The following CHEK1 variants were observed in gnomAD, a reference collection of about 807,000 sequenced individuals.
CHEK1 encodes the protein serine/threonine-protein kinase Chk1.
Under a neutral mutation model 60.2 loss-of-function variants are expected in CHEK1, and 32 were observed. That is an observed-to-expected ratio of 0.53 (90% CI 0.40 to 0.71). The LOEUF is 0.71. Ranked by LOEUF, CHEK1 falls within the 30% of genes least tolerant of loss-of-function variation. The pLI, the probability that CHEK1 is intolerant of heterozygous loss-of-function variation, is 0.00. For missense variants in CHEK1, 399 were observed against 564.6 expected (o/e 0.71, Z 2.97); for synonymous variants, 179 against 187.2 (o/e 0.96, Z 0.36).
chr11:125,660,301 A>G (rs1941988376), downstream of CHEK1, among the ~76,000 whole-genome samples: 1 of 152,196 alleles, frequency 6.6e-6, no homozygotes, highest in African/African-American at 2.4e-5. Context: ...TTCAGATCTT[A>G]CATATCTTTA....
rs1168008001 is a variant in CHEK1 at position 125,633,814 on chromosome 11, CAT to C, written c.613+465_613+466del. ...TTTGGTAACTGCTGTAACAAAGTAT[CAT>C]AGACTGCATAGCTTATAAACAGCAA... On this transcript the variant is annotated intron_variant, in intron 6 of 12. Transcript: ENST00000438015. Among the ~76,000 whole-genome samples the C allele has an allele frequency of 1.3e-5, 2 of 152,208 alleles. 1 individual carries two copies. Among genetic ancestry groups the C allele is most frequent in the Admixed American group, 1.3e-4 (2 of 15,292 alleles).
chr11:125,657,404 A>ATGTCC, downstream of CHEK1, among the ~76,000 whole-genome samples: 1 of 152,174 alleles, frequency 6.6e-6, no homozygotes, highest in Non-Finnish European at 1.5e-5. Context: ...TCAATTGTAG[A>ATGTCC]AAGATCATTT....
At chr11:125,639,943 A>G (rs537046) in intron 8 of CHEK1, among the ~76,000 whole-genome samples, 19,188 of 151,954 alleles carry the variant, frequency 0.13, 1,333 homozygotes, top group East Asian at 0.2. Context: ...TTCCTTCTCT[A>G]CCGGATCTTT....
intron 1 of CHEK1, 86 bp from the exon 2 acceptor site, chr11:125,626,663 T>A: frequency 8.5e-7 from 1 of 1,175,990 alleles, no homozygotes; most frequent in Non-Finnish European, 1.3e-6. Context: ...TTAATTTTCG[T>A]GGGCAATCCT....
intron 13 of CHEK1, among the ~76,000 whole-genome samples, chr11:125,670,221 TTGTC>T (rs1292332795): frequency 6.6e-6 from 1 of 152,230 alleles, no homozygotes; most frequent in Non-Finnish European, 1.5e-5. Context: ...GTAAGATTCA[TTGTC>T]TGTTTATTCG....
downstream of CHEK1, among the ~76,000 whole-genome samples, chr11:125,659,937 A>G (rs1232655241): frequency 6.6e-6 from 1 of 152,206 alleles, no homozygotes; most frequent in East Asian, 1.9e-4. Context: ...CTTATTCCAG[A>G]CATTTCATAT....
intron 11 of CHEK1, chr11:125,649,731 CAA>C (rs35885200): frequency 7.3e-4 from 94 of 129,394 alleles, no homozygotes; most frequent in Middle Eastern, 3.8e-3. Flanking sequence ...AAGACTGTCT[CAA>C]AAAAAAAAAA....
intron 5 of CHEK1, 43 bp downstream of exon 5, chr11:125,629,503 A>C (rs1268117492): frequency 1.5e-6 from 2 of 1,345,532 alleles, no homozygotes; most frequent in Admixed American, 3.9e-5. Context: ...AAATAAAATA[A>C]TTACCTAAAT....
At chr11:125,640,259 T>C (rs940350224) in intron 8 of CHEK1, among the ~76,000 whole-genome samples, 2 of 152,196 alleles carry the variant, frequency 1.3e-5, no homozygotes, top group Non-Finnish European at 2.9e-5. Flanking sequence ...TCATGGGTTT[T>C]GGCCGGGCGC....
In CHEK1 at chr11:125,629,255, C is replaced by G; in HGVS notation, c.313C>G (p.Pro105Ala). The G allele has an allele frequency of 8.1e-6, 13 of 1,614,126 alleles. No homozygotes were observed. Among genetic ancestry groups the G allele is most frequent in the Non-Finnish European group, 1.1e-5 (13 of 1,180,018 alleles). The stretch of plus-strand genomic sequence containing the variant: ...AGAGCCAGACATAGGCATGCCTGAA[C>G]CAGATGCTCAGAGATTCTTCCATCA... ...RIEPDIGMPE[P>A]DAQRFFHQLM... is the part of the protein sequence containing the mutation. Residue 105 changes from proline to alanine, a missense_variant, in exon 4 of 13, where the codon CCA becomes GCA. Transcript: ENST00000438015.
At chr11:125,658,169 A>G (rs1280298024), downstream of CHEK1, among the ~76,000 whole-genome samples, 1 of 152,144 alleles carries the variant, frequency 6.6e-6, no homozygotes, top group Non-Finnish European at 1.5e-5. Flanking sequence ...TGCAGGCTCA[A>G]GCAATCCTCC....
chr11:125,677,595 GC>G (rs1404320990), downstream of CHEK1, among the ~76,000 whole-genome samples: 1 of 152,072 alleles, frequency 6.6e-6, no homozygotes, highest in Admixed American at 6.6e-5. Context: ...CTTATAGAGG[GC>G]CCTCCATATT....
At chr11:125,634,570 C>A (rs1940991393) in intron 6 of CHEK1, among the ~76,000 whole-genome samples, 1 of 152,092 alleles carries the variant, frequency 6.6e-6, no homozygotes, top group South Asian at 2.1e-4. Context: ...AGTAATCTGC[C>A]TACCTAAGCC....
At chr11:125,658,619 C>G (rs189927956), downstream of CHEK1, among the ~76,000 whole-genome samples, 1 of 148,140 alleles carries the variant, frequency 6.8e-6, no homozygotes, top group East Asian at 2.0e-4. Context: ...TCATTCATTA[C>G]TCCAAGATCA....
At chr11:125,654,052 C>T (rs1348661662) in intron 12 of CHEK1, among the ~76,000 whole-genome samples, 1 of 151,958 alleles carries the variant, frequency 6.6e-6, no homozygotes, top group African/African-American at 2.4e-5. Context: ...AAGTTTTTGC[C>T]AGGCGTGGTG....
At chr11:125,637,823 G>A (rs1017784902) in intron 8 of CHEK1, among the ~76,000 whole-genome samples, 3 of 152,176 alleles carry the variant, frequency 2.0e-5, no homozygotes, top group Admixed American at 2.0e-4. Flanking sequence ...AGATTAAAGG[G>A]AAGCTAGGCA....
chr11:125,663,454 C>T (rs77216196), intron 13 of CHEK1, among the ~76,000 whole-genome samples: 11,525 of 152,198 alleles, frequency 0.076, 516 homozygotes, highest in African/African-American at 0.12. Flanking sequence ...GGCTATCCTT[C>T]CTCCACTGAA....
chr11:125,644,436 G>A (rs1412155117), intron 10 of CHEK1, 76 bp from the exon 11 acceptor site: 1 of 1,539,138 alleles, frequency 6.5e-7, no homozygotes, highest in Non-Finnish European at 8.7e-7. Flanking sequence ...ATAATTTTAA[G>A]TCAGACTAAA....
downstream of CHEK1, among the ~76,000 whole-genome samples, chr11:125,676,954 T>C (rs570547242): frequency 2.4e-4 from 37 of 152,202 alleles, no homozygotes; most frequent in Non-Finnish European, 4.1e-4. Flanking sequence ...CATTTTCAAA[T>C]TGACCTTATT....
Sources: gnomAD v4.1 joint callset for allele counts (sites outside exome capture counted in the v4.1 genomes callset) on GRCh38, gnomAD v4.1.1 for gene constraint, MANE v1.5 for transcripts, NCBI Gene and HGNC (gene_info 2026-07-23, HGNC 2026-07-21) for gene names.